The following CAGE1 variants were observed in gnomAD, a reference collection of about 807,000 sequenced individuals.
CAGE1 encodes the protein cancer antigen 1, also known as cancer-associated gene 1 protein.
In CAGE1, 66 loss-of-function variants were observed where a neutral mutation model predicts 94.9. The ratio of observed to expected loss-of-function variants is 0.70; its 90% confidence interval spans 0.57 to 0.85. CAGE1 has a LOEUF of 0.85. Among genes scored for constraint, CAGE1 ranks in the 40% least tolerant of loss-of-function variants. CAGE1 has a pLI of 0.00. For missense variants in CAGE1, 865 were observed against 950.4 expected, an observed-to-expected ratio of 0.91 and a Z score of 1.18; for synonymous variants, 319 against 321.0, an observed-to-expected ratio of 0.99 and a Z score of 0.07.
intron 11 of CAGE1, among the ~76,000 whole-genome samples, chr6:7,344,055 G>A (rs1331762853): frequency 1.3e-5 from 2 of 152,222 alleles, no homozygotes; most frequent in African/African-American, 2.4e-5. Context: ...ACAGCGTGCT[G>A]GCAATCCTCA....
chr6:7,386,862 A>G (rs968597060), intron 2 of CAGE1, 117 bp downstream of exon 2: 25 of 736,082 alleles, frequency 3.4e-5, no homozygotes, highest in Non-Finnish European at 5.1e-5. Flanking sequence ...CCCCTCCTTT[A>G]TGTGTCCACC....
chr6:7,329,712 C>CCTCATCTGAAGA, intron 13 of CAGE1, 137 bp downstream of exon 13: 1 of 551,160 alleles, frequency 1.8e-6, no homozygotes. Context: ...ACGGAAGAGC[C>CCTCATCTGAAGA]CTCATCTGAA....
At chr6:7,364,556 C>T (rs544110892) in intron 9 of CAGE1, among the ~76,000 whole-genome samples, 76 of 152,250 alleles carry the variant, frequency 5.0e-4, no homozygotes, top group Non-Finnish European at 9.4e-4. Context: ...GCAACCTCCG[C>T]CCTCTGAGTT....
At chr6:7,350,195 C>T (rs1477706743) in intron 11 of CAGE1, among the ~76,000 whole-genome samples, 1 of 152,156 alleles carries the variant, frequency 6.6e-6, no homozygotes, top group East Asian at 1.9e-4. Context: ...CCTCGTCCAA[C>T]AGGAAAATAT....
intron 3 of CAGE1, among the ~76,000 whole-genome samples, chr6:7,384,355 C>T (rs1761041615): frequency 6.6e-6 from 1 of 152,218 alleles, no homozygotes; most frequent in African/African-American, 2.4e-5. Flanking sequence ...CTTACACCTG[C>T]ATGTATTAAA....
In CAGE1 at chr6:7,339,171, C is replaced by T. The variant is rs1759076767; in HGVS notation, c.2370-5081G>A. The T allele has an allele frequency of 6.6e-7, 1 of 1,513,742 alleles. No homozygotes were observed. The highest frequency in any genetic ancestry group is 9.2e-7 in the Non-Finnish European group (1 of 1,089,896). The allele number at this position is 1,513,742 out of a possible 1,614,324, so 93.8% of individuals were successfully genotyped here. A position where few individuals can be genotyped will look rare whatever the true frequency, so the allele number is the denominator to read the frequency against. On this transcript the variant is annotated intron_variant, in intron 11 of 13. Transcript: ENST00000502583. The surrounding 1 kb of genome is among the most constrained non-coding windows in gnomAD (Gnocchi z 4.7). ...TTTCCCAGACACCACGACCTCACAG[C>T]CTTTGGCCCCAGTTTCCATGATGAA... is the stretch of plus-strand genomic sequence containing the variant.
intron 11 of CAGE1, among the ~76,000 whole-genome samples, chr6:7,343,407 A>G (rs1243110494): frequency 6.6e-6 from 1 of 152,208 alleles, no homozygotes; most frequent in Non-Finnish European, 1.5e-5. Context: ...GTTCAATCCA[A>G]TCAAACTTTT....
At chr6:7,374,544 T>G (rs1307449971) in intron 4 of CAGE1, among the ~76,000 whole-genome samples, 2 of 152,010 alleles carry the variant, frequency 1.3e-5, no homozygotes, top group Non-Finnish European at 2.9e-5. Context: ...CTCTCTTTTT[T>G]TTTTTACATG....
intron 12 of CAGE1, 117 bp from the exon 13 acceptor site, chr6:7,330,005 C>T (rs1020266560): frequency 8.5e-6 from 5 of 586,436 alleles, no homozygotes; most frequent in South Asian, 2.2e-5. Context: ...AAGGAGAAAT[C>T]GTCATTTAAG....
In CAGE1 at chr6:7,365,468, C is replaced by T. The variant is rs1760297628; in HGVS notation, c.2193G>A (p.Leu731=). 2 of 1,610,582 alleles carry T rather than the reference C, an allele frequency of 1.2e-6. No homozygotes were observed. The highest frequency in any genetic ancestry group is 1.7e-6 in the Non-Finnish European group (2 of 1,178,486). Residue 731 remains leucine (L), a splice_region_variant and synonymous_variant, in exon 9 of 14, where the codon TTG becomes TTA. Transcript: ENST00000502583. Reference sequence around the variant, plus strand: ...CAAGGTAAAAAAAGGTCTTTCTTACCAAGAAATCAAGCTCCTCATTTAGAC... The same window carrying T: ...CAAGGTAAAAAAAGGTCTTTCTTACTAAGAAATCAAGCTCCTCATTTAGAC... The part of the protein sequence containing the change: ...YHSLNEELDF[L]ITKLGHLLES...
At chr6:7,365,683 G>A in intron 8 of CAGE1, 108 bp from the exon 9 acceptor site, 2 of 1,404,190 alleles carry the variant, frequency 1.4e-6, no homozygotes, top group Non-Finnish European at 2.0e-6. Context: ...TCAGTGGCTG[G>A]AATAATAAAA....
intron 1 of CAGE1, 86 bp downstream of exon 1, chr6:7,389,116 T>C (rs990538794): frequency 2.2e-5 from 8 of 363,012 alleles, no homozygotes; most frequent in Non-Finnish European, 3.9e-5. Flanking sequence ...TGTTTTAAGA[T>C]AGGAGTTAAA....
intron 10 of CAGE1, among the ~76,000 whole-genome samples, chr6:7,355,408 A>C (rs1370839994): frequency 1.3e-5 from 2 of 152,226 alleles, no homozygotes; most frequent in Non-Finnish European, 2.9e-5. Flanking sequence ...AGTTCATTTG[A>C]TTAAAGTTAA....
rs1326545032 is a variant in CAGE1 at position 7,389,394 on chromosome 6, C to G, written c.-216G>C. ...TCCAACCTCCTCCACCAAGGACTCTCACAAACTCGCAATCGGGCTCCCGGA... is the reference window on the plus strand; with the variant it reads ...TCCAACCTCCTCCACCAAGGACTCTGACAAACTCGCAATCGGGCTCCCGGA... On this transcript the variant is annotated 5_prime_UTR_variant, in exon 1 of 14. Coordinates refer to ENST00000502583, the MANE Select transcript of CAGE1 (RefSeq NM_001170692.2). 2.2e-6 allele frequency: 1 copy of G among 450,466 alleles called. No individual in the cohort carries two copies. Among genetic ancestry groups the G allele is most frequent in the African/African-American group, 2.0e-5 (1 of 49,750 alleles). 27.9% of individuals were successfully genotyped at this position (450,466 alleles called of 1,614,324 possible).
intron 11 of CAGE1, among the ~76,000 whole-genome samples, chr6:7,344,019 T>C (rs1389715238): frequency 6.6e-6 from 1 of 152,206 alleles, no homozygotes; most frequent in Non-Finnish European, 1.5e-5. Context: ...GATCTGGACT[T>C]AAGTGTTAGA....
At chr6:7,347,011 T>C (rs1465205059) in intron 11 of CAGE1, among the ~76,000 whole-genome samples, 1 of 152,098 alleles carries the variant, frequency 6.6e-6, no homozygotes, top group Non-Finnish European at 1.5e-5. Context: ...AGGAAAAAAT[T>C]TTTTTTCACC....
intron 11 of CAGE1, among the ~76,000 whole-genome samples, chr6:7,353,272 A>T (rs1744292038): frequency 6.6e-6 from 1 of 152,250 alleles, no homozygotes; most frequent in Admixed American, 6.5e-5. Context: ...CAAGTGGCCA[A>T]CAAACATATG....
At chr6:7,380,172 G>A (rs1345009376) in intron 3 of CAGE1, among the ~76,000 whole-genome samples, 1 of 152,054 alleles carries the variant, frequency 6.6e-6, no homozygotes, top group Non-Finnish European at 1.5e-5. Context: ...TATAGTATGG[G>A]TTTATAGTGA....
At chr6:7,386,889 T>C (rs1761140529) in intron 2 of CAGE1, 90 bp downstream of exon 2, 1 of 879,472 alleles carries the variant, frequency 1.1e-6, no homozygotes, top group East Asian at 2.7e-5. Context: ...TGTTTTATTG[T>C]TCCTTATAGT....
Sources: allele counts gnomAD v4.1 joint callset (sites outside exome capture counted in the v4.1 genomes callset), GRCh38; gene constraint gnomAD v4.1.1; non-coding constraint Gnocchi (gnomAD v3.1); transcripts MANE v1.5; gene names NCBI Gene and HGNC (gene_info 2026-07-23, HGNC 2026-07-21).